The following KCNJ6 variants were observed in gnomAD, a reference collection of about 807,000 sequenced individuals.
KCNJ6 encodes potassium inwardly rectifying channel subfamily J member 6, also known as G protein-activated inward rectifier potassium channel 2.
In KCNJ6, 9 loss-of-function variants were observed where a neutral mutation model predicts 34.2. That is an observed-to-expected ratio of 0.26 (90% CI 0.16 to 0.46). The LOEUF is 0.46. Among genes scored for constraint, KCNJ6 ranks in the 20% least tolerant of loss-of-function variants. The pLI is 1.00. For synonymous variants in KCNJ6, 196 were observed against 207.1 expected, an observed-to-expected ratio of 0.95 and a Z score of 0.46; for missense variants, 236 against 531.3, an observed-to-expected ratio of 0.44 and a Z score of 5.46.
At chr21:37,661,619 T>TTTTTTTTTTTTTTG (rs2054489190) in intron 3 of KCNJ6, among the ~76,000 whole-genome samples, 1 of 119,344 alleles carries the variant, frequency 8.4e-6, no homozygotes, top group African/African-American at 3.3e-5. Flanking sequence ...ACATAGTTTT[T>TTTTTTTTTTTTTTG]TTTTTTTTTT....
In KCNJ6 at chr21:37,827,909, T is replaced by C. The variant is rs115339809; in HGVS notation, c.25+12749A>G. Among the ~76,000 whole-genome samples the C allele has an allele frequency of 5.9e-3, 891 of 152,130 alleles. 10 individuals carry two copies. Among genetic ancestry groups the C allele is most frequent in the African/African-American group, 0.02 (823 of 41,494 alleles). On this transcript the variant is annotated intron_variant, in intron 2 of 3. Coordinates refer to ENST00000609713, the MANE Select transcript of KCNJ6 (RefSeq NM_002240.5). ...CTTTGTGTATATTATGAAACCCAGGTGGGGAGCTGGTATGATCAGTGGCAG... is the reference window on the plus strand; with the variant it reads ...CTTTGTGTATATTATGAAACCCAGGCGGGGAGCTGGTATGATCAGTGGCAG...
At position 37,805,077 on chromosome 21, in the gene KCNJ6, G is replaced by A. The variant is rs2055287280; in HGVS notation, c.25+35581C>T. ...AAATATTCACAACAGGAAATCCATA[G>A]AGACAGAAAAGAGATAAGGGATTGC... On this transcript the variant is annotated intron_variant, in intron 2 of 3. Transcript: ENST00000609713. Among the ~76,000 whole-genome samples, 3 of 152,122 alleles carry A rather than the reference G, an allele frequency of 2.0e-5. No homozygotes were observed. In the South Asian group the frequency reaches 6.2e-4, roughly 32 times the overall value.
chr21:37,884,220 G>T (rs368229742), intron 1 of KCNJ6, among the ~76,000 whole-genome samples: 1 of 152,104 alleles, frequency 6.6e-6, no homozygotes, highest in Non-Finnish European at 1.5e-5. Context: ...ATGCATTTCC[G>T]CACCTCACAT....
rs59497335 is a variant in KCNJ6 at position 37,714,686 on chromosome 21, G to A, written c.471C>T (p.Tyr157=). ...IETETTIGYG[Y]RVITDKCPEG... is the part of the protein sequence containing the mutation. ...CTGGGCATTTATCTGTGATGACCCGGTAGCCATAACCAATGGTGGTTTCTG... is the reference window on the plus strand; with the variant it reads ...CTGGGCATTTATCTGTGATGACCCGATAGCCATAACCAATGGTGGTTTCTG... Residue 157 remains tyrosine (Y), a synonymous_variant, in exon 3 of 4, where the codon TAC becomes TAT. Coordinates refer to ENST00000609713, the MANE Select transcript of KCNJ6 (RefSeq NM_002240.5). This position sits in a 1 kb window ranked among gnomAD's most constrained non-coding sequence, Gnocchi z 5.9. The A allele has an allele frequency of 6.2e-7, 1 of 1,613,300 alleles. No individual in the cohort carries two copies. The highest frequency in any genetic ancestry group is 8.5e-7 in the Non-Finnish European group (1 of 1,179,916).
At chr21:37,742,939 G>C (rs1405907706) in intron 2 of KCNJ6, among the ~76,000 whole-genome samples, 3 of 152,224 alleles carry the variant, frequency 2.0e-5, no homozygotes, top group Non-Finnish European at 4.4e-5. Context: ...CCTTCCTGCA[G>C]ATGTGTGCCC....
chr21:37,645,017 GTTTTTT>G (rs71198881), intron 3 of KCNJ6, among the ~76,000 whole-genome samples: 3 of 130,818 alleles, frequency 2.3e-5, no homozygotes, highest in African/African-American at 6.2e-5. Flanking sequence ...AAACAGGTGG[GTTTTTT>G]TTTTTTTTTT....
rs1331594499 is a variant in KCNJ6, at chr21:37,609,392, C to CA, written c.*15766dup. 1.3e-5 allele frequency: 2 copies of CA among 152,128 alleles called. No homozygotes were observed. Among genetic ancestry groups the CA allele is most frequent in the Non-Finnish European group, 2.9e-5 (2 of 68,032 alleles). The allele number at this position is 152,128 out of a possible 1,614,324, so 9.4% of individuals were successfully genotyped here. A position where few individuals can be genotyped will look rare whatever the true frequency, so the allele number is the denominator to read the frequency against. ...AGTCTTATCTTCAATCGCATAGATT[C>CA]AAAATTAAAGAGACTATTGAAACCT... is the stretch of plus-strand genomic sequence containing the variant. On this transcript the variant is annotated 3_prime_UTR_variant, in exon 4 of 4. Coordinates refer to ENST00000609713, the MANE Select transcript of KCNJ6 (RefSeq NM_002240.5).
In KCNJ6 at chr21:37,607,841, TTTAG is replaced by T. The variant is rs1455007003; in HGVS notation, c.*17314_*17317del. 6.6e-6 allele frequency: 1 copy of T among 152,220 alleles called. No individual in the cohort carries two copies. The highest frequency in any genetic ancestry group is 1.5e-5 in the Non-Finnish European group (1 of 68,042). The allele number at this position is 152,220 out of a possible 1,614,324, so 9.4% of individuals were successfully genotyped here. A position where few individuals can be genotyped will look rare whatever the true frequency, so the allele number is the denominator to read the frequency against. On this transcript the variant is annotated 3_prime_UTR_variant, in exon 4 of 4. Coordinates refer to ENST00000609713, the MANE Select transcript of KCNJ6 (RefSeq NM_002240.5). ...ATCATTGGTTTTGCTTGGAGAAAAC[TTTAG>T]TTATTTTGTATGTTATATTTCTTAA... is the stretch of plus-strand genomic sequence containing the variant.
chr21:37,901,197 T>C (rs917326994), intron 1 of KCNJ6, among the ~76,000 whole-genome samples: 2 of 152,246 alleles, frequency 1.3e-5, no homozygotes, highest in African/African-American at 4.8e-5. Context: ...TGTTAAAATG[T>C]GTTTACTTTT....
rs781613861 is a variant in KCNJ6 at position 37,714,971 on chromosome 21, C to T, written c.186G>A (p.Lys62=). The T allele has an allele frequency of 1.9e-6, 3 of 1,614,214 alleles. No individual in the cohort carries two copies. The highest frequency in any genetic ancestry group is 2.2e-5 in the East Asian group (1 of 44,886). Residue 62 remains lysine, a synonymous_variant, in exon 3 of 4, where the codon AAG becomes AAA. Coordinates refer to ENST00000609713, the MANE Select transcript of KCNJ6 (RefSeq NM_002240.5). The surrounding 1 kb of genome is among the most constrained non-coding windows in gnomAD (Gnocchi z 5.9). ...KIQRYVRKDG[K]CNVHHGNVRE... is the part of the protein sequence containing the mutation. ...TCACGTTGCCGTGATGAACATTGCA[C>T]TTTCCGTCTTTCCTCACGTACCTCT... is the stretch of plus-strand genomic sequence containing the variant.
chr21:37,782,031 G>A (rs1403264442), intron 2 of KCNJ6, among the ~76,000 whole-genome samples: 3 of 152,158 alleles, frequency 2.0e-5, no homozygotes, highest in African/African-American at 7.2e-5. Flanking sequence ...GAGATTATCC[G>A]GGATTACCCA....
At position 37,715,016 on chromosome 21, in the gene KCNJ6, A is replaced by T; in HGVS notation, c.141T>A (p.Asp47Glu). 1 of 1,614,156 alleles carries T rather than the reference A, an allele frequency of 6.2e-7. No individual in the cohort carries two copies. Among genetic ancestry groups the T allele is most frequent in the Non-Finnish European group, 8.5e-7 (1 of 1,180,040 alleles). Residue 47 changes from aspartate to glutamate, a missense_variant, in exon 3 of 4, where the codon GAT becomes GAA. Physicochemically the swap from Asp to Glu is conservative, Grantham distance 45. Around this residue, in one of 5 missense-constraint regions of KCNJ6, gnomAD observed 64 missense variants for 68.9 expected, o/e 0.93. Coordinates refer to ENST00000609713, the MANE Select transcript of KCNJ6 (RefSeq NM_002240.5). ...RDDLPRHISRDRTKRKIQRYV... is the reference protein window; with the variant it reads ...RDDLPRHISRERTKRKIQRYV... ...ACCTCTGGATTTTCCTTTTGGTCCGATCTCGGCTGATGTGTCTTGGCAGGT... is the reference window on the plus strand; with the variant it reads ...ACCTCTGGATTTTCCTTTTGGTCCGTTCTCGGCTGATGTGTCTTGGCAGGT...
At position 37,745,190 on chromosome 21, in the gene KCNJ6, G is replaced by C. The variant is rs1308334383; in HGVS notation, c.26-30059C>G. ...TCACGGCAGCCCCTTGACCTCCCAG[G>C]CTCAAGTGATACTCCTGCCTCAGCC... On this transcript the variant is annotated intron_variant, in intron 2 of 3. Transcript: ENST00000609713. 4.7e-5 allele frequency among the ~76,000 whole-genome samples: 7 copies of C among 147,752 alleles called. No individual in the cohort carries two copies. The East Asian group carries it at 1.4e-3, about 30-fold the overall frequency.
intron 2 of KCNJ6, among the ~76,000 whole-genome samples, chr21:37,753,145 G>A (rs1162528800): frequency 1.3e-5 from 2 of 152,214 alleles, no homozygotes; most frequent in African/African-American, 4.8e-5. Context: ...GCAAATGCCT[G>A]CAGCGTGTGC....
intron 1 of KCNJ6, among the ~76,000 whole-genome samples, chr21:37,891,004 C>T (rs2055759470): frequency 6.6e-6 from 1 of 152,170 alleles, no homozygotes; most frequent in South Asian, 2.1e-4. Context: ...GGAAATTTCT[C>T]CCTAAAGTTA....
Position 37,714,194 on chromosome 21 carries a change from G to A in KCNJ6, c.946+17C>T, listed in dbSNP as rs145525551. On this transcript the variant is annotated intron_variant, in intron 3 of 3. Transcript: ENST00000609713. This position sits in a 1 kb window ranked among gnomAD's most constrained non-coding sequence, Gnocchi z 5.9. ...AGCATCTATCCCACAGCCATCCCAG[G>A]ATAGAACACATCTTACCTGTGGCTT... 8.8e-5 allele frequency: 140 copies of A among 1,585,806 alleles called. No homozygotes were observed. The African/African-American group carries it at 1.7e-3, about 20-fold the overall frequency.
At chr21:37,811,230 A>C (rs2211842) in intron 2 of KCNJ6, among the ~76,000 whole-genome samples, 97,147 of 151,998 alleles carry the variant, frequency 0.64, 31,593 homozygotes, top group East Asian at 0.79. Flanking sequence ...GACCTTTCTA[A>C]CCTTTACCCT....
chr21:37,886,549 T>C (rs1319851106), intron 1 of KCNJ6, among the ~76,000 whole-genome samples: 1 of 152,210 alleles, frequency 6.6e-6, no homozygotes, highest in African/African-American at 2.4e-5. Context: ...ATTAATATAC[T>C]CTAAAAATAG....
intron 1 of KCNJ6, among the ~76,000 whole-genome samples, chr21:37,853,515 A>G (rs2055547664): frequency 6.6e-6 from 1 of 152,140 alleles, no homozygotes; most frequent in South Asian, 2.1e-4. Flanking sequence ...TCACCAGCAG[A>G]CCTACCCTGA....
Sources: gnomAD v4.1 joint callset for allele counts (sites outside exome capture counted in the v4.1 genomes callset) on GRCh38, gnomAD v4.1.1 for gene constraint, gnomAD v4.1.1 regional missense constraint, Gnocchi (gnomAD v3.1) non-coding constraint, MANE v1.5 for transcripts, NCBI Gene and HGNC (gene_info 2026-07-23, HGNC 2026-07-21) for gene names.